The following PKN2 variants were observed in gnomAD, a reference collection of about 807,000 sequenced individuals.
PKN2 encodes the protein serine/threonine-protein kinase N2.
PKN2 carries 38 observed loss-of-function variants against 119.1 expected under a neutral mutation model. The ratio of observed to expected loss-of-function variants is 0.32; its 90% confidence interval spans 0.25 to 0.42. The LOEUF (loss-of-function observed/expected upper bound fraction) is 0.42, where lower values mean the gene tolerates loss of function less well. Among genes scored for constraint, PKN2 ranks in the 10% least tolerant of loss-of-function variants. The probability of loss-of-function intolerance (pLI) is 1.00; values close to 1 mark genes in which losing one functional copy is unlikely to be tolerated. For missense variants in PKN2, 850 were observed against 1,165.1 expected, an observed-to-expected ratio of 0.73 and a Z score of 3.94; for synonymous variants, 390 against 384.9, an observed-to-expected ratio of 1.01 and a Z score of -0.15.
intron 1 of PKN2, among the ~76,000 whole-genome samples, chr1:88,725,873 T>C (rs1018095509): frequency 2.6e-5 from 4 of 152,170 alleles, no homozygotes; most frequent in African/African-American, 9.7e-5. Context: ...TTTCTCATGG[T>C]TTTTACACTT....
intron 1 of PKN2, among the ~76,000 whole-genome samples, chr1:88,687,443 A>C (rs544881019): frequency 1.0e-3 from 157 of 152,370 alleles, no homozygotes; most frequent in African/African-American, 3.7e-3. Flanking sequence ...AGCAGAAAAC[A>C]GACATTTTTG....
intron 7 of PKN2, among the ~76,000 whole-genome samples, 180 bp downstream of exon 7, chr1:88,785,004 T>C (rs1670514851): frequency 6.6e-6 from 1 of 152,218 alleles, no homozygotes; most frequent in Admixed American, 6.5e-5. Context: ...TTGTTGAAGA[T>C]ACATTAGAAA....
chr1:88,791,542 T>C (rs932462270), intron 8 of PKN2, among the ~76,000 whole-genome samples: 8 of 152,086 alleles, frequency 5.3e-5, no homozygotes, highest in African/African-American at 1.9e-4. Flanking sequence ...AAAAATAAGC[T>C]GTTTTTTGAG....
intron 2 of PKN2, among the ~76,000 whole-genome samples, chr1:88,742,277 A>G (rs1173136940): frequency 6.6e-6 from 1 of 152,208 alleles, no homozygotes; most frequent in Non-Finnish European, 1.5e-5. Flanking sequence ...ATTTTGATTA[A>G]GAAAATACAT....
intron 8 of PKN2, among the ~76,000 whole-genome samples, chr1:88,796,439 G>T (rs1671069247): frequency 6.6e-6 from 1 of 152,078 alleles, no homozygotes. Context: ...AGCTCCTCAT[G>T]ACTTATCTCT....
chr1:88,824,247 C>G lies in PKN2; in HGVS notation c.2343-63C>G, dbSNP rs986239565. 8.1e-5 allele frequency: 65 copies of G among 800,408 alleles called. No individual in the cohort carries two copies. The Middle Eastern group carries it at 1.3e-3, about 15-fold the overall frequency. The allele number at this position is 800,408 out of a possible 1,614,324, so 49.6% of individuals were successfully genotyped here. Reference sequence around the variant, plus strand: ...GTTCCAATTGCAATTATTTTTTTAACTGTATAACCTACTGATTTCTTTGAT... The same window carrying G: ...GTTCCAATTGCAATTATTTTTTTAAGTGTATAACCTACTGATTTCTTTGAT... On this transcript the variant is annotated intron_variant, in intron 17 of 21. Coordinates refer to ENST00000370521, the MANE Select transcript of PKN2 (RefSeq NM_006256.4).
At chr1:88,688,033 T>C (rs1258374489) in intron 1 of PKN2, among the ~76,000 whole-genome samples, 2 of 152,178 alleles carry the variant, frequency 1.3e-5, no homozygotes, top group Non-Finnish European at 2.9e-5. Context: ...TTGCTCATGG[T>C]TACATTGTGT....
At chr1:88,754,142 C>T (rs1270345454) in intron 2 of PKN2, among the ~76,000 whole-genome samples, 1 of 151,942 alleles carries the variant, frequency 6.6e-6, no homozygotes, top group Non-Finnish European at 1.5e-5. Flanking sequence ...TTTATTAGTT[C>T]TTAAAAGATG....
chr1:88,781,962 C>T (rs1049203836), intron 6 of PKN2, among the ~76,000 whole-genome samples: 2 of 151,958 alleles, frequency 1.3e-5, no homozygotes, highest in African/African-American at 2.4e-5. Context: ...CACCTCCCAA[C>T]GTTAATAGCC....
chr1:88,787,677 T>C (rs1235441061), intron 8 of PKN2, among the ~76,000 whole-genome samples: 1 of 152,222 alleles, frequency 6.6e-6, no homozygotes, highest in Admixed American at 6.5e-5. Context: ...AACTGTTATT[T>C]GTTCTTTCCC....
chr1:88,800,072 C>A (rs1189006559), intron 8 of PKN2, among the ~76,000 whole-genome samples: 1 of 152,036 alleles, frequency 6.6e-6, no homozygotes, highest in Non-Finnish European at 1.5e-5. Flanking sequence ...TTCTTTTTGG[C>A]GGTGGAGCCT....
At chr1:88,738,958 C>T (rs1466261752) in intron 1 of PKN2, among the ~76,000 whole-genome samples, 2 of 152,162 alleles carry the variant, frequency 1.3e-5, no homozygotes. Context: ...GATCGTAGGA[C>T]TTATATTCCA....
At chr1:88,807,188 T>C (rs1671580665) in intron 12 of PKN2, 125 bp from the exon 13 acceptor site, 1 of 766,328 alleles carries the variant, frequency 1.3e-6, no homozygotes, top group East Asian at 2.9e-5. Flanking sequence ...AATGAGTATC[T>C]GAATTTTACT....
At chr1:88,724,805 CT>C (rs1403786033) in intron 1 of PKN2, among the ~76,000 whole-genome samples, 1 of 151,226 alleles carries the variant, frequency 6.6e-6, no homozygotes, top group African/African-American at 2.4e-5. Flanking sequence ...AACTCCTGAC[CT>C]TGTGATCTGC....
chr1:88,830,001 G>A (rs750938318), intron 19 of PKN2, among the ~76,000 whole-genome samples: 1 of 152,166 alleles, frequency 6.6e-6, no homozygotes, highest in African/African-American at 2.4e-5. Context: ...AATTTATCAT[G>A]TGCTAAGCAC....
At position 88,771,574 on chromosome 1, in the gene PKN2, T is replaced by C. The variant is rs778108043; in HGVS notation, c.768+8T>C. ...AGAAAAGCACTTTCAGAAGTAATTT[T>C]AAATAAAAATTTTTATTTGGTTTAA... On this transcript the variant is annotated splice_region_variant and intron_variant, in intron 5 of 21. Transcript: ENST00000370521. 2 of 1,568,162 alleles carry C rather than the reference T, an allele frequency of 1.3e-6. No homozygotes were observed. The highest frequency in any genetic ancestry group is 3.8e-5 in the Admixed American group (2 of 52,242).
intron 4 of PKN2, among the ~76,000 whole-genome samples, chr1:88,770,807 G>T (rs557443843): frequency 2.0e-5 from 3 of 150,318 alleles, no homozygotes; most frequent in African/African-American, 7.3e-5. Flanking sequence ...GGATGGTCTC[G>T]ATCTCCTGAC....
chr1:88,825,997 A>G (rs1181346589), intron 18 of PKN2, among the ~76,000 whole-genome samples: 2 of 152,050 alleles, frequency 1.3e-5, no homozygotes, highest in Non-Finnish European at 2.9e-5. Flanking sequence ...TTGTCATTCA[A>G]CTCAAGTGTA....
chr1:88,728,591 T>G (rs1667994503), intron 1 of PKN2, among the ~76,000 whole-genome samples: 2 of 152,176 alleles, frequency 1.3e-5, no homozygotes, highest in African/African-American at 4.8e-5. Flanking sequence ...ACCATATAAC[T>G]ACTGTACTTT....
Sources: gnomAD v4.1 joint callset for allele counts (sites outside exome capture counted in the v4.1 genomes callset) on GRCh38, gnomAD v4.1.1 for gene constraint, MANE v1.5 for transcripts, NCBI Gene and HGNC (gene_info 2026-07-23, HGNC 2026-07-21) for gene names.